Variants in SLC35F1 observed in about 807,000 individuals in gnomAD.
SLC35F1 encodes the protein chromosome 6 open reading frame 169.
Under a neutral mutation model 48.7 loss-of-function variants are expected in SLC35F1, and 14 were observed. That is an observed-to-expected ratio of 0.29 (90% CI 0.19 to 0.45). The LOEUF is 0.45. Ranked by LOEUF, SLC35F1 falls within the 20% of genes least tolerant of loss-of-function variation. SLC35F1 has a pLI of 1.00. For synonymous variants in SLC35F1, 190 were observed against 202.2 expected, an observed-to-expected ratio of 0.94 and a Z score of 0.51; for missense variants, 404 against 500.0, an observed-to-expected ratio of 0.81 and a Z score of 1.83.
intron 1 of SLC35F1, among the ~76,000 whole-genome samples, chr6:118,145,005 C>T (rs1156519795): frequency 6.6e-6 from 1 of 151,914 alleles, no homozygotes; most frequent in Non-Finnish European, 1.5e-5. Context: ...TTAAAGTGTA[C>T]AATTCAATGG....
intron 1 of SLC35F1, among the ~76,000 whole-genome samples, chr6:117,985,222 G>T (rs1562255582): frequency 6.6e-6 from 1 of 152,210 alleles, no homozygotes; most frequent in African/African-American, 2.4e-5. Context: ...GCAAACTGAT[G>T]TGAGTATAGA....
At chr6:118,271,250 A>T (rs1775848347) in intron 4 of SLC35F1, among the ~76,000 whole-genome samples, 1 of 152,180 alleles carries the variant, frequency 6.6e-6, no homozygotes. Context: ...AAGATAAGCA[A>T]TATGTTTAAG....
intron 1 of SLC35F1, among the ~76,000 whole-genome samples, chr6:117,967,119 C>A (rs567398512): frequency 8.7e-4 from 133 of 152,178 alleles, no homozygotes; most frequent in African/African-American, 3.1e-3. Context: ...TTCTTTAGTA[C>A]TTTGATACTT....
chr6:117,988,359 C>T (rs1261656978), intron 1 of SLC35F1, among the ~76,000 whole-genome samples: 2 of 152,170 alleles, frequency 1.3e-5, no homozygotes, highest in South Asian at 2.1e-4. Flanking sequence ...TAGGCTAATA[C>T]AATATCATAA....
chr6:118,020,631 A>G (rs1419019100), intron 1 of SLC35F1, among the ~76,000 whole-genome samples: 1 of 152,196 alleles, frequency 6.6e-6, no homozygotes, highest in Non-Finnish European at 1.5e-5. Flanking sequence ...CTCAAATGTG[A>G]CAGCTGGAAG....
chr6:117,907,840 G>C lies in SLC35F1; in HGVS notation c.114G>C (p.Gly38=), dbSNP rs1456368428. The C allele has an allele frequency of 6.5e-7, 1 of 1,540,774 alleles. No homozygotes were observed. The highest frequency in any genetic ancestry group is 1.2e-5 in the South Asian group (1 of 85,246). Residue 38 remains glycine, a synonymous_variant, in exon 1 of 8, where the codon GGG becomes GGC. Transcript: ENST00000360388. The part of the protein sequence containing the change: ...NLPAEGSGGG[G]SLSASSRAGV... ...CGGCCGAGGGCAGCGGCGGCGGCGG[G>C]AGCCTGTCCGCCTCCTCCCGGGCTG...
chr6:118,073,156 C>T (rs9374712), intron 1 of SLC35F1, among the ~76,000 whole-genome samples: 44,960 of 152,044 alleles, frequency 0.3, 7,336 homozygotes, highest in East Asian at 0.48. Flanking sequence ...AGATGCAAAA[C>T]GGAAGCCAGC....
At chr6:118,182,519 A>AGAAGGAAAGAAGGAAG (rs1774594388) in intron 2 of SLC35F1, among the ~76,000 whole-genome samples, 1 of 106,310 alleles carries the variant, frequency 9.4e-6, no homozygotes, top group Admixed American at 1.2e-4. Context: ...AGAGAGAGAG[A>AGAAGGAAAGAAGGAAG]GAAGGAAGGA....
At chr6:118,045,696 C>G (rs899067812) in intron 1 of SLC35F1, among the ~76,000 whole-genome samples, 4 of 152,176 alleles carry the variant, frequency 2.6e-5, no homozygotes, top group Non-Finnish European at 5.9e-5. Context: ...TCAAAATGCA[C>G]AGGCCTACCT....
At chr6:118,084,978 T>G (rs9385032) in intron 1 of SLC35F1, among the ~76,000 whole-genome samples, 149,049 of 152,148 alleles carry the variant, frequency 0.98, 73,090 homozygotes, top group Middle Eastern at 1. Context: ...CACTGATTAA[T>G]TATCCTTATT....
chr6:117,997,038 T>C (rs971764478), intron 1 of SLC35F1, among the ~76,000 whole-genome samples: 7 of 152,140 alleles, frequency 4.6e-5, no homozygotes, highest in East Asian at 3.9e-4. Flanking sequence ...AAAATTTAGA[T>C]GAATGTATAA....
intron 2 of SLC35F1, among the ~76,000 whole-genome samples, chr6:118,174,736 C>T (rs548631308): frequency 1.1e-4 from 16 of 152,022 alleles, no homozygotes; most frequent in Non-Finnish European, 2.1e-4. Context: ...AAGAAAATCA[C>T]ATTTCTTTTC....
At chr6:118,039,837 C>G (rs1237191298) in intron 1 of SLC35F1, among the ~76,000 whole-genome samples, 1 of 118,212 alleles carries the variant, frequency 8.5e-6, no homozygotes, top group Non-Finnish European at 1.8e-5. Flanking sequence ...GACTGGCTTA[C>G]TTATTTCTAC....
intron 1 of SLC35F1, among the ~76,000 whole-genome samples, chr6:117,965,189 C>A (rs1281738173): frequency 6.6e-6 from 1 of 152,152 alleles, no homozygotes; most frequent in Non-Finnish European, 1.5e-5. Context: ...ATTCAAAATA[C>A]CCATAAACAT....
At chr6:118,240,315 T>C (rs1393114950) in intron 3 of SLC35F1, among the ~76,000 whole-genome samples, 2 of 152,212 alleles carry the variant, frequency 1.3e-5, no homozygotes, top group African/African-American at 4.8e-5. Flanking sequence ...TTCAGATGGG[T>C]CTATGAGGTT....
chr6:118,149,413 T>C (rs1370854010), intron 1 of SLC35F1, among the ~76,000 whole-genome samples: 3 of 152,172 alleles, frequency 2.0e-5, no homozygotes, highest in Non-Finnish European at 4.4e-5. Context: ...CCTGTGCTAA[T>C]AGAGAACGAA....
chr6:118,266,383 T>C (rs943001872), intron 3 of SLC35F1, among the ~76,000 whole-genome samples: 2 of 152,216 alleles, frequency 1.3e-5, no homozygotes, highest in Non-Finnish European at 2.9e-5. Context: ...TTTTTTCTAA[T>C]AGTTCTTTTA....
chr6:118,036,688 G>A (rs1772136141), intron 1 of SLC35F1, among the ~76,000 whole-genome samples: 1 of 152,124 alleles, frequency 6.6e-6, no homozygotes, highest in Non-Finnish European at 1.5e-5. Flanking sequence ...CTCCCAAGTA[G>A]CTGGGACTAC....
chr6:118,306,764 C>A (rs756558533), intron 7 of SLC35F1, among the ~76,000 whole-genome samples: 12 of 152,158 alleles, frequency 7.9e-5, no homozygotes, highest in Non-Finnish European at 1.2e-4. Context: ...AAATAGAAAT[C>A]TGTGTGAACA....
Sources: allele counts gnomAD v4.1 joint callset (sites outside exome capture counted in the v4.1 genomes callset), GRCh38; gene constraint gnomAD v4.1.1; transcripts MANE v1.5; gene names NCBI Gene and HGNC (gene_info 2026-07-23, HGNC 2026-07-21).